Variants in ZNF425 observed in about 807,000 individuals in gnomAD.
ZNF425 encodes the protein zinc finger protein 425.
In ZNF425, 21 loss-of-function variants were observed where a neutral mutation model predicts 17.0. The ratio of observed to expected loss-of-function variants is 1.23; its 90% CI spans 0.88 to 1.78. The LOEUF (loss-of-function observed/expected upper bound fraction) is 1.78. Ranked by LOEUF, ZNF425 falls within the 40% of genes most tolerant of loss-of-function variation. ZNF425 has a pLI of 0.00. For missense variants in ZNF425, 868 were observed against 967.3 expected (o/e 0.90, Z 1.36); for synonymous variants, 433 against 384.1 (o/e 1.13, Z -1.49).
chr7:149,119,782 A>G (rs1826323467), intron 1 of ZNF425, among the ~76,000 whole-genome samples: 1 of 152,198 alleles, frequency 6.6e-6, no homozygotes, highest in Non-Finnish European at 1.5e-5. Flanking sequence ...ATTTTAAATA[A>G]TGTATTTTAA....
At chr7:149,106,286 CAGGCTAG>C (rs1826081565) in intron 3 of ZNF425, among the ~76,000 whole-genome samples, 2 of 150,548 alleles carry the variant, frequency 1.3e-5, no homozygotes, top group South Asian at 4.2e-4. Flanking sequence ...CTCTGTTGCC[CAGGCTAG>C]AGTGCGGTGG....
chr7:149,119,406 G>A (rs1200547575), intron 1 of ZNF425, among the ~76,000 whole-genome samples: 1 of 152,240 alleles, frequency 6.6e-6, no homozygotes, highest in African/African-American at 2.4e-5. Flanking sequence ...TTTTAAAAAG[G>A]TTCCATGTAC....
In ZNF425 at chr7:149,105,194, G is replaced by A. The variant is rs769083365; in HGVS notation, c.677C>T (p.Ser226Leu). 6 of 1,614,198 alleles carry A rather than the reference G, an allele frequency of 3.7e-6. No individual in the cohort carries two copies. The highest frequency in any genetic ancestry group is 4.2e-6 in the Non-Finnish European group (5 of 1,180,032). The stretch of plus-strand genomic sequence containing the variant: ...CCTGAGTTCGGACTTCCCTCTGGAC[G>A]AGTTTTTGTACTTTGGGTATCTGCA... The part of the protein sequence containing the change: ...QLCRYPKYKN[S>L]SRGKSELRRT... Residue 226 changes from serine (S) to leucine (L), a missense_variant, in exon 4 of 4, where the codon TCG (serine) becomes TTG (leucine). Coordinates refer to ENST00000378061, the MANE Select transcript of ZNF425 (RefSeq NM_001001661.3).
chr7:149,104,312 T>C lies in ZNF425; in HGVS notation c.1559A>G (p.His520Arg), dbSNP rs1402584391. ...GCAGGAGAACGGCTTTTCCGTGGTGTGGACCTTCAGGTGCTGCGTGAGCCG... is the reference window on the plus strand; with the variant it reads ...GCAGGAGAACGGCTTTTCCGTGGTGCGGACCTTCAGGTGCTGCGTGAGCCG... ...QSRLTQHLKV[H>R]TTEKPFSCAE... The change falls in exon 4 of 4, where the codon CAC becomes CGC. Residue 520 changes from histidine to arginine, a missense_variant. Physicochemically the swap from His to Arg is conservative, Grantham distance 29 (BLOSUM62 0). Around this residue, in one of 5 missense-constraint regions of ZNF425, gnomAD observed 437 missense variants for 444.2 expected, o/e 0.98. Coordinates refer to ENST00000378061, the MANE Select transcript of ZNF425 (RefSeq NM_001001661.3). The surrounding 1 kb of genome is among the most constrained non-coding windows in gnomAD (Gnocchi z 4.3). 6 of 1,613,428 alleles carry C rather than the reference T, an allele frequency of 3.7e-6. No individual in the cohort carries two copies. The Admixed American group carries it at 6.7e-5, about 18-fold the overall frequency.
rs563882892 is a variant in ZNF425 at position 149,118,198 on chromosome 7, T to C, written c.145+24A>G. The C allele has an allele frequency of 5.0e-6, 8 of 1,613,882 alleles. No homozygotes were observed. In the East Asian group the frequency reaches 1.3e-4, roughly 27 times the overall value. On this transcript the variant is annotated intron_variant, in intron 2 of 3. Transcript: ENST00000378061. ...TACTATTAGGTTGGTTCCTAAAAAG[T>C]GATTCCTTAGAAGCTCATCTTACCC...
At position 149,112,857 on chromosome 7, in the gene ZNF425, G is replaced by A. The variant is rs528985603; in HGVS notation, c.146-562C>T. 7.3e-5 allele frequency among the ~76,000 whole-genome samples: 11 copies of A among 151,568 alleles called. No homozygotes were observed. The East Asian group carries it at 1.6e-3, about 21-fold the overall frequency. On this transcript the variant is annotated intron_variant, in intron 2 of 3. Coordinates refer to ENST00000378061, the MANE Select transcript of ZNF425 (RefSeq NM_001001661.3). ...AATTTTGTATTTTTATAGAGATAGC[G>A]TTTTGCCACGTTGCCCAGGCTGGTC...
intron 1 of ZNF425, among the ~76,000 whole-genome samples, chr7:149,118,859 C>G (rs1167356028): frequency 1.3e-5 from 2 of 152,086 alleles, no homozygotes; most frequent in African/African-American, 4.8e-5. Flanking sequence ...AATAGCAGGC[C>G]TTTGAGCACA....
chr7:149,122,913 T>C (rs1277781405), intron 1 of ZNF425, among the ~76,000 whole-genome samples: 1 of 152,142 alleles, frequency 6.6e-6, no homozygotes, highest in East Asian at 1.9e-4. Flanking sequence ...CAGGCTGGTC[T>C]TGAACTCCTA....
At chr7:149,117,788 G>A (rs1371095504) in intron 2 of ZNF425, among the ~76,000 whole-genome samples, 2 of 151,294 alleles carry the variant, frequency 1.3e-5, no homozygotes, top group African/African-American at 4.9e-5. Flanking sequence ...CAGTAGCTAG[G>A]ATTACAGGCA....
chr7:149,112,973 CT>C (rs35291501), intron 2 of ZNF425, among the ~76,000 whole-genome samples: 5,083 of 123,930 alleles, frequency 0.041, 99 homozygotes, highest in African/African-American at 0.067. Flanking sequence ...CCCCGTGACC[CT>C]TTTTTTTTTT....
chr7:149,123,690 C>G (rs1259659863), intron 1 of ZNF425, among the ~76,000 whole-genome samples: 1 of 151,944 alleles, frequency 6.6e-6, no homozygotes. Context: ...CGCCACCACA[C>G]CCGGCTAATT....
Position 149,104,342 on chromosome 7 carries a change from T to G in ZNF425, c.1529A>C (p.Gln510Pro). The G allele has an allele frequency of 6.2e-7, 1 of 1,613,180 alleles. No homozygotes were observed. The change falls in exon 4 of 4, where the codon CAG becomes CCG. Residue 510 changes from glutamine (Q) to proline (P), a missense_variant. Around this residue, in one of 5 missense-constraint regions of ZNF425, gnomAD observed 437 missense variants for 444.2 expected, o/e 0.98. Transcript: ENST00000378061. This position sits in a 1 kb window ranked among gnomAD's most constrained non-coding sequence, Gnocchi z 4.3. ...CTTCAGGTGCTGCGTGAGCCGCGAC[T>G]GCTGAGAAAAGGTCTTTTTGCACTC... ...CGECKKTFSQ[Q>P]SRLTQHLKVH...
intron 1 of ZNF425, among the ~76,000 whole-genome samples, chr7:149,122,073 C>T (rs560992648): frequency 1.3e-5 from 2 of 148,918 alleles, no homozygotes; most frequent in South Asian, 4.2e-4. Context: ...CCGTCACCAC[C>T]GCCGGCTTTT....
intron 1 of ZNF425, among the ~76,000 whole-genome samples, chr7:149,121,079 CTTTTTTTT>C (rs75534831): frequency 1.6e-5 from 1 of 62,756 alleles, no homozygotes; most frequent in Middle Eastern, 7.9e-3. Context: ...TTTTACATTC[CTTTTTTTT>C]TTTTTTTTTT....
intron 2 of ZNF425, among the ~76,000 whole-genome samples, chr7:149,115,100 ATT>A (rs71192755): frequency 4.8e-5 from 6 of 123,856 alleles, no homozygotes; most frequent in Admixed American, 8.1e-5. Flanking sequence ...ACGCTGGCTA[ATT>A]TTTTTTTTTT....
At chr7:149,105,604 G>C in intron 3 of ZNF425, 38 bp from the exon 4 acceptor site, 1 of 1,442,172 alleles carries the variant, frequency 6.9e-7, no homozygotes. Context: ...TCAGTGATAT[G>C]TCTACCCTAT....
intron 3 of ZNF425, among the ~76,000 whole-genome samples, chr7:149,109,879 C>CT (rs59024495): frequency 0.019 from 2,700 of 140,626 alleles, 87 homozygotes; most frequent in African/African-American, 0.064. Context: ...TTTTCTTTTT[C>CT]TTTTTTTTTT....
chr7:149,119,811 A>C (rs1056807137), intron 1 of ZNF425, among the ~76,000 whole-genome samples: 2 of 152,196 alleles, frequency 1.3e-5, no homozygotes, highest in Non-Finnish European at 2.9e-5. Context: ...AATATACTAC[A>C]AATTTTTTAA....
intron 1 of ZNF425, among the ~76,000 whole-genome samples, chr7:149,123,175 G>A (rs1826388926): frequency 6.6e-6 from 1 of 152,206 alleles, no homozygotes; most frequent in Non-Finnish European, 1.5e-5. Context: ...AACCAGGGCG[G>A]CTCTTCCTGG....
Sources: allele counts gnomAD v4.1 joint callset (sites outside exome capture counted in the v4.1 genomes callset), GRCh38; gene constraint gnomAD v4.1.1; regional missense constraint gnomAD v4.1.1; non-coding constraint Gnocchi (gnomAD v3.1); transcripts MANE v1.5; gene names NCBI Gene and HGNC (gene_info 2026-07-23, HGNC 2026-07-21).